WDR64: variants seen among roughly 807,000 people sequenced by gnomAD.
WDR64 encodes the protein WD repeat-containing protein 64.
WDR64 carries 112 observed loss-of-function variants against 139.3 expected under a neutral mutation model. The ratio of observed to expected loss-of-function variants is 0.80; its 90% CI spans 0.69 to 0.94. WDR64 has a LOEUF of 0.94. Ranked by LOEUF, WDR64 falls within the 40% of genes least tolerant of loss-of-function variation. The pLI, the probability that WDR64 is intolerant of heterozygous loss-of-function variation, is 0.00. For missense variants in WDR64, 1,206 were observed against 1,293.1 expected, an observed-to-expected ratio of 0.93 and a Z score of 1.03; for synonymous variants, 444 against 437.7, an observed-to-expected ratio of 1.01 and a Z score of -0.18.
intron 9 of WDR64, among the ~76,000 whole-genome samples, chr1:241,718,034 C>T (rs1421552847): frequency 6.6e-6 from 1 of 152,162 alleles, no homozygotes; most frequent in Non-Finnish European, 1.5e-5. Context: ...AAGCAACTTA[C>T]TCAAAGTCAT....
At chr1:241,704,429 C>A (rs2148154889) in intron 8 of WDR64, among the ~76,000 whole-genome samples, 1 of 152,198 alleles carries the variant, frequency 6.6e-6, no homozygotes, top group South Asian at 2.1e-4. Context: ...CTTCTAATAA[C>A]AGAATGAAAA....
At chr1:241,675,118 T>C in intron 4 of WDR64, among the ~76,000 whole-genome samples, 1 of 52,604 alleles carries the variant, frequency 1.9e-5, no homozygotes, top group Non-Finnish European at 3.8e-5. Flanking sequence ...CCTTCCTCCC[T>C]CCCTCCTTCC....
chr1:241,656,144 C>T lies in WDR64; in HGVS notation c.145+3515C>T, dbSNP rs140766895. ...CAAGTTACCTTCTATCACGGGGCGG[C>T]CTAAGAAAGAGTGAGGAGAAGGCAG... On this transcript the variant is annotated intron_variant, in intron 1 of 27. Transcript: ENST00000437684. This position sits in a 1 kb window ranked among gnomAD's most constrained non-coding sequence, Gnocchi z 4.3. Among the ~76,000 whole-genome samples the T allele has an allele frequency of 2.2e-3, 339 of 152,258 alleles. 3 individuals are homozygous for T. Among genetic ancestry groups the T allele is most frequent in the African/African-American group, 7.8e-3 (323 of 41,554 alleles).
chr1:241,662,104 C>A (rs139025507), intron 2 of WDR64, among the ~76,000 whole-genome samples: 9 of 152,114 alleles, frequency 5.9e-5, no homozygotes, highest in African/African-American at 2.2e-4. Flanking sequence ...AACAATCTAG[C>A]GGAATAGAAA....
At chr1:241,778,345 G>A (rs73126011) in intron 21 of WDR64, among the ~76,000 whole-genome samples, 1,531 of 152,196 alleles carry the variant, frequency 0.01, 26 homozygotes, top group African/African-American at 0.033. Context: ...TAGTGTTAGC[G>A]TGGTATATCT....
chr1:241,686,383 C>T (rs950586948), intron 7 of WDR64, among the ~76,000 whole-genome samples: 5 of 152,150 alleles, frequency 3.3e-5, no homozygotes, highest in African/African-American at 1.2e-4. Context: ...ACATATCTGG[C>T]ATGAGAATAG....
At chr1:241,758,195 T>C (rs184314415) in intron 15 of WDR64, among the ~76,000 whole-genome samples, 24 of 152,324 alleles carry the variant, frequency 1.6e-4, no homozygotes, top group African/African-American at 5.3e-4. Context: ...CTTCCTGCAA[T>C]CTGGTAGTTA....
chr1:241,793,422 T>G (rs1199478944), intron 25 of WDR64, among the ~76,000 whole-genome samples: 1 of 152,012 alleles, frequency 6.6e-6, no homozygotes, highest in Non-Finnish European at 1.5e-5. Flanking sequence ...TTTAACAGTA[T>G]CTACCTTCAA....
chr1:241,770,385 TCTGACAAAGGGAGCAATAAAC>T (rs1197091628), intron 17 of WDR64: 6 of 404,862 alleles, frequency 1.5e-5, no homozygotes, highest in African/African-American at 1.0e-4. Flanking sequence ...ACTTTTATTT[TCTGACAAAGGGAGCAATAAAC>T]CTTATTTGCT....
intron 14 of WDR64, among the ~76,000 whole-genome samples, chr1:241,755,695 C>T (rs1278973285): frequency 6.6e-6 from 1 of 152,090 alleles, no homozygotes; most frequent in Non-Finnish European, 1.5e-5. Flanking sequence ...GGTTTTAGGT[C>T]TTACATTTAA....
rs4046210 is a variant in WDR64, at chr1:241,799,202, CAAAA to C, written c.3193-1912_3193-1909del. Among the ~76,000 whole-genome samples the C allele has an allele frequency of 5.8e-3, 192 of 33,334 alleles. 4 individuals carry two copies. The highest frequency in any genetic ancestry group is 0.045 in the Middle Eastern group (1 of 22). 21.9% of individuals were successfully genotyped at this position (33,334 alleles called of 152,430 possible). A position where few individuals can be genotyped will look rare whatever the true frequency, so the allele number is the denominator to read the frequency against. ...GAAACACAGTGAGACTTTGTCTCTC[CAAAA>C]AAAAAAAAAAAAAAAAATACAAAAA... On this transcript the variant is annotated intron_variant, in intron 27 of 27. Coordinates refer to ENST00000437684, the MANE Select transcript of WDR64 (RefSeq NM_001367482.1).
chr1:241,781,516 G>T (rs1023810818), intron 22 of WDR64, among the ~76,000 whole-genome samples: 1 of 152,132 alleles, frequency 6.6e-6, no homozygotes, highest in African/African-American at 2.4e-5. Flanking sequence ...TAATAGGTCA[G>T]TCTAGAAAAA....
intron 2 of WDR64, among the ~76,000 whole-genome samples, chr1:241,663,308 C>G (rs977186740): frequency 6.6e-6 from 1 of 152,194 alleles, no homozygotes; most frequent in Non-Finnish European, 1.5e-5. Context: ...TGGCCCTGAC[C>G]CCCGTCCCTT....
At chr1:241,684,472 G>A (rs868717415) in intron 7 of WDR64, among the ~76,000 whole-genome samples, 8 of 152,100 alleles carry the variant, frequency 5.3e-5, no homozygotes, top group South Asian at 4.1e-4. Flanking sequence ...TTTATTAGCC[G>A]AAAAACCTAA....
intron 25 of WDR64, among the ~76,000 whole-genome samples, chr1:241,792,686 A>G (rs901786325): frequency 6.6e-6 from 1 of 152,186 alleles, no homozygotes; most frequent in Non-Finnish European, 1.5e-5. Context: ...GCAGAGGAGG[A>G]CTCCATAGGA....
intron 10 of WDR64, among the ~76,000 whole-genome samples, chr1:241,727,887 A>C (rs910020767): frequency 2.0e-5 from 3 of 152,132 alleles, no homozygotes; most frequent in African/African-American, 7.2e-5. Context: ...AAAAACAAAG[A>C]AAAAGAAGAA....
chr1:241,734,633 A>T (rs555791606), intron 10 of WDR64, among the ~76,000 whole-genome samples: 11 of 152,322 alleles, frequency 7.2e-5, no homozygotes, highest in East Asian at 1.9e-4. Context: ...GCTAAACAGA[A>T]TACATAAGAC....
chr1:241,762,837 C>A (rs1657983024), intron 15 of WDR64, among the ~76,000 whole-genome samples: 1 of 150,522 alleles, frequency 6.6e-6, no homozygotes, highest in Non-Finnish European at 1.5e-5. Flanking sequence ...ATTATTTTGT[C>A]ATAGAACGGA....
chr1:241,755,620 A>G (rs1670158360), intron 14 of WDR64, among the ~76,000 whole-genome samples: 1 of 152,186 alleles, frequency 6.6e-6, no homozygotes, highest in African/African-American at 2.4e-5. Context: ...TGTTTTAGTC[A>G]TGAAGTCTTT....
Sources: gnomAD v4.1 joint callset for allele counts (sites outside exome capture counted in the v4.1 genomes callset) on GRCh38, gnomAD v4.1.1 for gene constraint, Gnocchi (gnomAD v3.1) non-coding constraint, MANE v1.5 for transcripts, NCBI Gene and HGNC (gene_info 2026-07-23, HGNC 2026-07-21) for gene names.